Variants in ST6GALNAC3 observed in about 807,000 individuals in gnomAD.
The protein encoded by ST6GALNAC3 is ST6 N-acetylgalactosaminide alpha-2,6-sialyltransferase 3, also known as alpha-N-acetylgalactosaminide alpha-2,6-sialyltransferase 3.
A neutral mutation model predicts 32.7 loss-of-function variants in ST6GALNAC3; 25 were observed. The observed-to-expected ratio is 0.76, with a 90% CI of 0.56 to 1.07. The LOEUF (loss-of-function observed/expected upper bound fraction) is 1.07. Ranked by LOEUF, ST6GALNAC3 falls within the 50% of genes least tolerant of loss-of-function variation. The probability of loss-of-function intolerance (pLI) is 0.00; values close to 1 mark genes in which losing one functional copy is unlikely to be tolerated. For missense variants in ST6GALNAC3, 355 were observed against 382.4 expected, an observed-to-expected ratio of 0.93 and a Z score of 0.60; for synonymous variants, 129 against 133.1, an observed-to-expected ratio of 0.97 and a Z score of 0.21.
At chr1:76,365,161 C>A (rs1480996585) in intron 2 of ST6GALNAC3, among the ~76,000 whole-genome samples, 1 of 152,114 alleles carries the variant, frequency 6.6e-6, no homozygotes, top group African/African-American at 2.4e-5. Context: ...AAAATGAAAC[C>A]ATGTACTTTG....
At chr1:76,610,100 T>C (rs993097918) in intron 3 of ST6GALNAC3, among the ~76,000 whole-genome samples, 3 of 152,186 alleles carry the variant, frequency 2.0e-5, no homozygotes, top group African/African-American at 7.2e-5. Context: ...TGGGAAATGA[T>C]CCATATTTTT....
chr1:76,355,873 T>G (rs1357405381), intron 2 of ST6GALNAC3, among the ~76,000 whole-genome samples: 1 of 152,200 alleles, frequency 6.6e-6, no homozygotes, highest in Non-Finnish European at 1.5e-5. Flanking sequence ...TCTGTCTCGC[T>G]TTCCCAGATG....
At chr1:76,300,146 T>C (rs1379684109) in intron 1 of ST6GALNAC3, among the ~76,000 whole-genome samples, 2 of 152,076 alleles carry the variant, frequency 1.3e-5, no homozygotes, top group East Asian at 1.9e-4. Context: ...TCTTTTGCTG[T>C]AAACTTTTTC....
intron 3 of ST6GALNAC3, among the ~76,000 whole-genome samples, chr1:76,578,840 C>T (rs1037371175): frequency 5.3e-5 from 8 of 151,986 alleles, no homozygotes; most frequent in Non-Finnish European, 1.0e-4. Flanking sequence ...ATGCCTTCTC[C>T]AACAAGGCTA....
chr1:76,244,345 G>C (rs1192509648), intron 1 of ST6GALNAC3, among the ~76,000 whole-genome samples: 2 of 152,150 alleles, frequency 1.3e-5, no homozygotes, highest in African/African-American at 2.4e-5. Flanking sequence ...AGGAGTTTTT[G>C]GGGTGAGATG....
intron 1 of ST6GALNAC3, among the ~76,000 whole-genome samples, chr1:76,235,650 G>T (rs1257465981): frequency 2.0e-5 from 3 of 150,660 alleles, no homozygotes; most frequent in Non-Finnish European, 4.4e-5. Context: ...TCTTTAAATT[G>T]GGAATCATAG....
Position 76,305,034 on chromosome 1 carries a change from C to T in ST6GALNAC3, c.19-8771C>T, listed in dbSNP as rs145687169. Among the ~76,000 whole-genome samples the T allele has an allele frequency of 2.6e-3, 395 of 152,172 alleles. 1 individual carries two copies. Among genetic ancestry groups the T allele is most frequent in the Middle Eastern group, 0.01 (3 of 294 alleles). On this transcript the variant is annotated intron_variant, in intron 1 of 4. Transcript: ENST00000328299. ...ATTGTTCCTGGTTAGTTAGCACCTC[C>T]CTTTCCTCAACAGAATGCCCGGCGC...
chr1:76,303,751 A>G (rs72675971), intron 1 of ST6GALNAC3, among the ~76,000 whole-genome samples: 47,009 of 151,982 alleles, frequency 0.31, 8,416 homozygotes, highest in Non-Finnish European at 0.41. Flanking sequence ...AAGCCTTTTC[A>G]TTATGTGCCA....
intron 3 of ST6GALNAC3, among the ~76,000 whole-genome samples, chr1:76,483,323 T>C (rs1054510587): frequency 2.6e-5 from 4 of 152,192 alleles, no homozygotes; most frequent in Non-Finnish European, 5.9e-5. Flanking sequence ...ATGGTTGAAC[T>C]AGTTTACAGT....
chr1:76,563,893 A>G (rs997984360), intron 3 of ST6GALNAC3, among the ~76,000 whole-genome samples: 1 of 152,158 alleles, frequency 6.6e-6, no homozygotes, highest in African/African-American at 2.4e-5. Context: ...AAATGTTCCT[A>G]ATACCTTCAG....
At chr1:76,551,757 T>C (rs925692805) in intron 3 of ST6GALNAC3, among the ~76,000 whole-genome samples, 1 of 152,210 alleles carries the variant, frequency 6.6e-6, no homozygotes, top group Non-Finnish European at 1.5e-5. Context: ...TCTGCTGTCA[T>C]ATATTAGAGC....
chr1:76,524,055 C>T (rs929982095), intron 3 of ST6GALNAC3, among the ~76,000 whole-genome samples: 3 of 152,120 alleles, frequency 2.0e-5, no homozygotes, highest in African/African-American at 7.2e-5. Context: ...CTATCTATTG[C>T]ATACCTTTAA....
At chr1:76,223,410 G>A (rs1242630586) in intron 1 of ST6GALNAC3, among the ~76,000 whole-genome samples, 1 of 152,104 alleles carries the variant, frequency 6.6e-6, no homozygotes, top group African/African-American at 2.4e-5. Flanking sequence ...CAGAGTGGAA[G>A]GTGGGAGGAG....
intron 1 of ST6GALNAC3, among the ~76,000 whole-genome samples, chr1:76,308,752 T>TA (rs1453795971): frequency 6.6e-6 from 1 of 152,226 alleles, no homozygotes; most frequent in African/African-American, 2.4e-5. Context: ...GATACATTTT[T>TA]ACTTGTTTGG....
chr1:76,317,014 T>C (rs1257742748), intron 2 of ST6GALNAC3, among the ~76,000 whole-genome samples: 1 of 152,100 alleles, frequency 6.6e-6, no homozygotes, highest in African/African-American at 2.4e-5. Flanking sequence ...CTAGTTCTGG[T>C]CTATGCATGA....
chr1:76,403,715 T>A (rs558821315), intron 2 of ST6GALNAC3, among the ~76,000 whole-genome samples: 3 of 152,220 alleles, frequency 2.0e-5, no homozygotes, highest in Admixed American at 1.3e-4. Flanking sequence ...ATAGCAAGAA[T>A]CAGTTTTCTT....
At chr1:76,160,716 C>A (rs781501887) in intron 1 of ST6GALNAC3, among the ~76,000 whole-genome samples, 1 of 152,182 alleles carries the variant, frequency 6.6e-6, no homozygotes, top group Non-Finnish European at 1.5e-5. Flanking sequence ...TGCACACACA[C>A]ACACAGTCTA....
At chr1:76,234,896 A>G (rs1656562102) in intron 1 of ST6GALNAC3, among the ~76,000 whole-genome samples, 1 of 152,212 alleles carries the variant, frequency 6.6e-6, no homozygotes, top group Non-Finnish European at 1.5e-5. Flanking sequence ...GTCCTTCACA[A>G]AAGTACCTGA....
chr1:76,145,500 A>T (rs555580134), intron 1 of ST6GALNAC3, among the ~76,000 whole-genome samples: 29 of 152,340 alleles, frequency 1.9e-4, no homozygotes, highest in Middle Eastern at 3.4e-3. Context: ...GTTCCTGTAT[A>T]TCATGCATGT....
Sources: allele counts gnomAD v4.1 joint callset (sites outside exome capture counted in the v4.1 genomes callset), GRCh38; gene constraint gnomAD v4.1.1; transcripts MANE v1.5; gene names NCBI Gene and HGNC (gene_info 2026-07-23, HGNC 2026-07-21).